Variants in EPC2 observed in about 807,000 individuals in gnomAD.
EPC2 encodes enhancer of polycomb 2.
EPC2 carries 14 observed loss-of-function variants against 92.1 expected under a neutral mutation model. The ratio of observed to expected loss-of-function variants is 0.15; its 90% CI spans 0.10 to 0.24. The LOEUF (loss-of-function observed/expected upper bound fraction) is 0.24, where lower values mean the gene tolerates loss of function less well. Ranked by LOEUF, EPC2 falls within the 10% of genes least tolerant of loss-of-function variation. EPC2 has a pLI of 1.00. For synonymous variants in EPC2, 340 were observed against 334.7 expected (o/e 1.02, Z -0.17); for missense variants, 755 against 971.5 (o/e 0.78, Z 2.96).
intron 2 of EPC2, among the ~76,000 whole-genome samples, chr2:148,734,398 C>T (rs993211382): frequency 6.6e-6 from 1 of 151,868 alleles, no homozygotes; most frequent in South Asian, 2.1e-4. Flanking sequence ...TTTATGATTT[C>T]CAGTTATTCA....
At chr2:148,676,750 T>C (rs1356199523) in intron 1 of EPC2, among the ~76,000 whole-genome samples, 1 of 150,116 alleles carries the variant, frequency 6.7e-6, no homozygotes, top group Non-Finnish European at 1.5e-5. Flanking sequence ...TTTACATAAG[T>C]AATTCCCTGT....
intron 2 of EPC2, among the ~76,000 whole-genome samples, chr2:148,715,097 G>T (rs188105774): frequency 7.5e-6 from 1 of 134,150 alleles, no homozygotes; most frequent in East Asian, 2.2e-4. Context: ...GCAGTGGCAC[G>T]ATCTCAGCTC....
chr2:148,666,215 A>G (rs1244844522), intron 1 of EPC2, among the ~76,000 whole-genome samples: 4 of 152,174 alleles, frequency 2.6e-5, no homozygotes. Context: ...ATCATGGCTT[A>G]CTGTGGGCTT....
At chr2:148,671,632 T>C (rs904860886) in intron 1 of EPC2, among the ~76,000 whole-genome samples, 9 of 152,124 alleles carry the variant, frequency 5.9e-5, no homozygotes, top group African/African-American at 1.9e-4. Flanking sequence ...AAGTCATCTT[T>C]TCTATGGTCA....
chr2:148,686,312 A>G (rs1658438529), intron 1 of EPC2, among the ~76,000 whole-genome samples: 1 of 152,200 alleles, frequency 6.6e-6, no homozygotes, highest in African/African-American at 2.4e-5. Context: ...AATTGCCACA[A>G]TTTGGTCACA....
intron 2 of EPC2, among the ~76,000 whole-genome samples, chr2:148,728,753 C>A (rs1682553655): frequency 1.3e-5 from 2 of 150,026 alleles, no homozygotes; most frequent in African/African-American, 4.9e-5. Flanking sequence ...TAAAAAAAGG[C>A]CGGGCACGGT....
intron 2 of EPC2, among the ~76,000 whole-genome samples, chr2:148,710,126 A>G (rs946157765): frequency 1.3e-5 from 2 of 152,256 alleles, no homozygotes; most frequent in Admixed American, 1.3e-4. Flanking sequence ...TCCAGAATCT[A>G]CAAAGAACTT....
intron 2 of EPC2, among the ~76,000 whole-genome samples, chr2:148,734,063 G>C (rs1682701931): frequency 6.6e-6 from 1 of 152,110 alleles, no homozygotes; most frequent in Non-Finnish European, 1.5e-5. Context: ...TACTTAGCAA[G>C]TCCCCATGCC....
chr2:148,651,845 T>A (rs1050163897), intron 1 of EPC2, among the ~76,000 whole-genome samples: 2 of 152,164 alleles, frequency 1.3e-5, no homozygotes, highest in East Asian at 1.9e-4. Context: ...TACTACTTCT[T>A]TTTCAGAGGA....
intron 2 of EPC2, among the ~76,000 whole-genome samples, chr2:148,713,519 T>A (rs184879286): frequency 0.024 from 3,645 of 152,078 alleles, 50 homozygotes; most frequent in East Asian, 0.032. Context: ...AGAAAAAAAA[T>A]TTTTTTTAAG....
intron 2 of EPC2, among the ~76,000 whole-genome samples, chr2:148,727,601 T>C (rs1682524349): frequency 6.6e-6 from 1 of 152,230 alleles, no homozygotes; most frequent in South Asian, 2.1e-4. Context: ...GTTATTTTAA[T>C]GTTAGTTTTT....
chr2:148,714,563 T>C (rs1010171575), intron 2 of EPC2, among the ~76,000 whole-genome samples: 5 of 152,166 alleles, frequency 3.3e-5, no homozygotes, highest in African/African-American at 1.2e-4. Context: ...TCCACAACCT[T>C]GCCAGCATCT....
chr2:148,756,154 T>G (rs1683185928), intron 4 of EPC2, among the ~76,000 whole-genome samples: 1 of 152,258 alleles, frequency 6.6e-6, no homozygotes, highest in South Asian at 2.1e-4. Flanking sequence ...TTCTTCATTT[T>G]GTGATCACTA....
chr2:148,682,993 A>G (rs1203444095), intron 1 of EPC2, among the ~76,000 whole-genome samples: 2 of 152,060 alleles, frequency 1.3e-5, no homozygotes, highest in East Asian at 1.9e-4. Flanking sequence ...ATCACATGTT[A>G]TATCTGATTC....
At chr2:148,701,015 TTTG>T (rs561820657) in intron 2 of EPC2, among the ~76,000 whole-genome samples, 174 of 152,318 alleles carry the variant, frequency 1.1e-3, no homozygotes, top group Middle Eastern at 3.4e-3. Context: ...AGTGTCTTTT[TTTG>T]TTGTTGTTCT....
At chr2:148,687,431 G>C (rs1210266630) in intron 1 of EPC2, among the ~76,000 whole-genome samples, 1 of 152,214 alleles carries the variant, frequency 6.6e-6, no homozygotes, top group African/African-American at 2.4e-5. Context: ...AAAAGGAGCA[G>C]AAAATGTGGC....
At chr2:148,743,820 C>T (rs1468659889) in intron 3 of EPC2, 53 bp downstream of exon 3, 1 of 1,357,536 alleles carries the variant, frequency 7.4e-7, no homozygotes, top group Non-Finnish European at 9.8e-7. Flanking sequence ...CAATTTGCAC[C>T]TTTATAAGAC....
chr2:148,771,175 C>G lies in EPC2; in HGVS notation c.1508C>G (p.Ser503Cys), dbSNP rs775315565. 2.5e-6 allele frequency: 4 copies of G among 1,613,824 alleles called. No individual in the cohort carries two copies. Among genetic ancestry groups the G allele is most frequent in the Non-Finnish European group, 3.4e-6 (4 of 1,179,860 alleles). ...TCTAATTTCTCTCGGACCAATGCTT[C>G]CAGTAAACATTGTGAAAATAGACTG... ...FSSNFSRTNA[S>C]SKHCENRLSL... Residue 503 changes from serine to cysteine, a missense_variant, in exon 10 of 14, where the codon TCC (serine) becomes TGC (cysteine). By Grantham distance (112) the Ser-to-Cys change is moderately radical. This residue lies in a region of EPC2 where 509 missense variants were observed against 607.7 expected (regional missense o/e 0.84). Transcript: ENST00000258484.
intron 1 of EPC2, among the ~76,000 whole-genome samples, chr2:148,674,183 T>C (rs1681209950): frequency 6.6e-6 from 1 of 152,212 alleles, no homozygotes; most frequent in African/African-American, 2.4e-5. Flanking sequence ...GTTGTACTTG[T>C]ATGTGTAATT....
Sources: allele counts gnomAD v4.1 joint callset (sites outside exome capture counted in the v4.1 genomes callset), GRCh38; gene constraint gnomAD v4.1.1; regional missense constraint gnomAD v4.1.1; transcripts MANE v1.5; gene names NCBI Gene and HGNC (gene_info 2026-07-23, HGNC 2026-07-21).